Variants in SYT11 observed in about 807,000 individuals in gnomAD.
SYT11 encodes the protein synaptotagmin-11.
Under a neutral mutation model 30.4 loss-of-function variants are expected in SYT11, and 12 were observed. The ratio of observed to expected loss-of-function variants is 0.39; its 90% CI spans 0.25 to 0.64. The LOEUF (loss-of-function observed/expected upper bound fraction) is 0.64, where lower values mean the gene tolerates loss of function less well. SYT11 is among the 30% of genes least tolerant of loss of function. The pLI, the probability that SYT11 is intolerant of heterozygous loss-of-function variation, is 0.45. For missense variants in SYT11, 412 were observed against 552.0 expected, an observed-to-expected ratio of 0.75 and a Z score of 2.54; for synonymous variants, 204 against 216.0, an observed-to-expected ratio of 0.94 and a Z score of 0.49.
At chr1:155,865,184 A>G (rs1029897404) in intron 1 of SYT11, among the ~76,000 whole-genome samples, 1 of 152,196 alleles carries the variant, frequency 6.6e-6, no homozygotes, top group Non-Finnish European at 1.5e-5. Flanking sequence ...GATAATAAAT[A>G]TATGTCAGGA....
At chr1:155,876,712 T>C (rs536478695) in intron 2 of SYT11, among the ~76,000 whole-genome samples, 2 of 152,162 alleles carry the variant, frequency 1.3e-5, no homozygotes, top group Non-Finnish European at 2.9e-5. Flanking sequence ...ATATTTTACC[T>C]CCATGTCCAT....
At chr1:155,861,432 A>C (rs1672589221) in intron 1 of SYT11, among the ~76,000 whole-genome samples, 1 of 152,212 alleles carries the variant, frequency 6.6e-6, no homozygotes, top group Non-Finnish European at 1.5e-5. Context: ...TTTCTCTTAG[A>C]GGGACTATTA....
chr1:155,881,638 C>T lies in SYT11; in HGVS notation c.*130C>T. ...AGAAAATTTCTTACAAAACAAATTC[C>T]ACAAAGAACACCCTATATGACCACA... On this transcript the variant is annotated 3_prime_UTR_variant, in exon 4 of 4. Transcript: ENST00000368324. 2.5e-6 allele frequency: 2 copies of T among 806,362 alleles called. No individual in the cohort carries two copies. Among genetic ancestry groups the T allele is most frequent in the Non-Finnish European group, 1.9e-6 (1 of 514,758 alleles). The allele number at this position is 806,362 out of a possible 1,614,324, so 50.0% of individuals were successfully genotyped here.
At position 155,881,299 on chromosome 1, in the gene SYT11, T is replaced by C; in HGVS notation, c.1087T>C (p.Phe363Leu). ...CTLNPIFNES[F>L]IYDIPTDLLP... ...TTTGAACCCCATCTTCAATGAATCT[T>C]TCATCTACGACATCCCCACTGACCT... is the stretch of plus-strand genomic sequence containing the variant. The change falls in exon 4 of 4, where the codon TTC becomes CTC. Residue 363 changes from phenylalanine to leucine, a missense_variant. Phe to Leu is a conservative substitution (Grantham distance 22). Coordinates refer to ENST00000368324, the MANE Select transcript of SYT11 (RefSeq NM_152280.5). 1 of 1,614,150 alleles carries C rather than the reference T, an allele frequency of 6.2e-7. No individual in the cohort carries two copies. Among genetic ancestry groups the C allele is most frequent in the Non-Finnish European group, 8.5e-7 (1 of 1,180,018 alleles).
At chr1:155,871,951 G>C (rs1404271439) in intron 2 of SYT11, among the ~76,000 whole-genome samples, 2 of 152,168 alleles carry the variant, frequency 1.3e-5, no homozygotes, top group Admixed American at 1.3e-4. Context: ...GTGAACGTCA[G>C]CTAGAGCTGC....
intron 2 of SYT11, among the ~76,000 whole-genome samples, chr1:155,878,178 G>T (rs1007119890): frequency 6.7e-6 from 1 of 148,632 alleles, no homozygotes; most frequent in Non-Finnish European, 1.5e-5. Flanking sequence ...AGGAGGTGGA[G>T]GTTGCAGAAA....
In SYT11 at chr1:155,881,452, G is replaced by A; in HGVS notation, c.1240G>A (p.Val414Ile). Residue 414 changes from valine (V) to isoleucine (I), a missense_variant, in exon 4 of 4, where the codon GTC (valine) becomes ATC (isoleucine). Coordinates refer to ENST00000368324, the MANE Select transcript of SYT11 (RefSeq NM_152280.5). The stretch of plus-strand genomic sequence containing the variant: ...CAGTGGTGCTGAACACTGGAGAGAG[G>A]TCTGCGAGAGCCCCCGCAAGCCTGT... The part of the protein sequence containing the change: ...TASGAEHWRE[V>I]CESPRKPVAK... The A allele has an allele frequency of 6.2e-7, 1 of 1,613,420 alleles. No homozygotes were observed. Among genetic ancestry groups the A allele is most frequent in the Non-Finnish European group, 8.5e-7 (1 of 1,179,452 alleles).
intron 1 of SYT11, among the ~76,000 whole-genome samples, chr1:155,863,647 A>C (rs563750546): frequency 5.3e-5 from 8 of 152,094 alleles, no homozygotes; most frequent in Admixed American, 4.6e-4. Context: ...TTAGCTGGGC[A>C]TGGTGGCTCA....
chr1:155,874,532 C>T (rs1265843362), intron 2 of SYT11, among the ~76,000 whole-genome samples: 1 of 140,036 alleles, frequency 7.1e-6, no homozygotes. Context: ...CCCTGGATGT[C>T]AAGGCTGCAG....
intron 1 of SYT11, among the ~76,000 whole-genome samples, chr1:155,864,755 G>A (rs1158836146): frequency 9.0e-5 from 12 of 132,974 alleles, no homozygotes; most frequent in African/African-American, 3.2e-4. Context: ...CTGTCACCCA[G>A]AATGGAGTGC....
intron 1 of SYT11, 22 bp from the exon 2 acceptor site, chr1:155,867,943 C>G (rs374174113): frequency 1.3e-6 from 2 of 1,577,270 alleles, no homozygotes; most frequent in African/African-American, 2.7e-5. Context: ...CGCCCTGACA[C>G]ATCTCTGATC....
chr1:155,863,976 G>A lies in SYT11; in HGVS notation c.35-3989G>A, dbSNP rs73002930. On this transcript the variant is annotated intron_variant, in intron 1 of 3. Coordinates refer to ENST00000368324, the MANE Select transcript of SYT11 (RefSeq NM_152280.5). Reference sequence around the variant, plus strand: ...CATGCCTGTAGTCCTAGTTCCTCAGGAGGCTGAGGCAAGAAGATCATTTGA... The same window carrying A: ...CATGCCTGTAGTCCTAGTTCCTCAGAAGGCTGAGGCAAGAAGATCATTTGA... 5.6e-3 allele frequency among the ~76,000 whole-genome samples: 856 copies of A among 152,232 alleles called. 7 individuals are homozygous for A. The highest frequency in any genetic ancestry group is 0.019 in the African/African-American group (809 of 41,526).
At chr1:155,877,622 C>A (rs997196295) in intron 2 of SYT11, among the ~76,000 whole-genome samples, 3 of 150,452 alleles carry the variant, frequency 2.0e-5, no homozygotes, top group Non-Finnish European at 2.9e-5. Context: ...GGCGCAATCT[C>A]GGCTCACTGC....
Position 155,881,538 on chromosome 1 carries a change from G to A in SYT11, c.*30G>A. 1.9e-6 allele frequency: 3 copies of A among 1,552,478 alleles called. No homozygotes were observed. Among genetic ancestry groups the A allele is most frequent in the Non-Finnish European group, 2.6e-6 (3 of 1,143,336 alleles). On this transcript the variant is annotated 3_prime_UTR_variant, in exon 4 of 4. Transcript: ENST00000368324. Reference sequence around the variant, plus strand: ...GTTCTTCTCTCCTCTAATCCCCGGGGGCCAAGCTGGGGAGGGATGTGGAGG... The same window carrying A: ...GTTCTTCTCTCCTCTAATCCCCGGGAGCCAAGCTGGGGAGGGATGTGGAGG...
chr1:155,873,484 G>C (rs1196175620), intron 2 of SYT11, among the ~76,000 whole-genome samples: 1 of 152,130 alleles, frequency 6.6e-6, no homozygotes, highest in Non-Finnish European at 1.5e-5. Flanking sequence ...TGTATATAAA[G>C]TTAGAATCAT....
At position 155,881,472 on chromosome 1, in the gene SYT11, G is replaced by T. The variant is rs1178431127; in HGVS notation, c.1260G>T (p.Lys420Asn). ...HWREVCESPR[K>N]PVAKWHSLSE... ...GAGAGGTCTGCGAGAGCCCCCGCAA[G>T]CCTGTGGCCAAGTGGCACAGTCTGA... Residue 420 changes from lysine to asparagine, a missense_variant, in exon 4 of 4, where the codon AAG (lysine) becomes AAT (asparagine). Transcript: ENST00000368324. 1 of 1,611,392 alleles carries T rather than the reference G, an allele frequency of 6.2e-7. No homozygotes were observed.
chr1:155,876,541 C>G (rs1557949765), intron 2 of SYT11, among the ~76,000 whole-genome samples: 2 of 151,744 alleles, frequency 1.3e-5, no homozygotes, highest in South Asian at 2.1e-4. Flanking sequence ...CCACTGCACC[C>G]GGCCAAAACT....
intron 3 of SYT11, 33 bp downstream of exon 3, chr1:155,880,656 C>T: frequency 6.2e-7 from 1 of 1,611,742 alleles, no homozygotes; most frequent in Non-Finnish European, 8.5e-7. Context: ...TTCTTACTGT[C>T]TGAACCATCC....
chr1:155,877,597 A>C (rs1672885833), intron 2 of SYT11, among the ~76,000 whole-genome samples: 1 of 141,098 alleles, frequency 7.1e-6, no homozygotes, highest in Non-Finnish European at 1.5e-5. Flanking sequence ...TCTGTTGCCC[A>C]GGCCGGAGTG....
Sources: allele counts gnomAD v4.1 joint callset (sites outside exome capture counted in the v4.1 genomes callset), GRCh38; gene constraint gnomAD v4.1.1; transcripts MANE v1.5; gene names NCBI Gene and HGNC (gene_info 2026-07-23, HGNC 2026-07-21).